The following ABCC10 variants were observed in gnomAD, a reference collection of about 807,000 sequenced individuals.
ABCC10 encodes the protein ATP-binding cassette sub-family C member 10.
In ABCC10, 110 loss-of-function variants were observed where a neutral mutation model predicts 143.2. That is an observed-to-expected ratio of 0.77 (90% confidence interval 0.66 to 0.90). The LOEUF (loss-of-function observed/expected upper bound fraction) is 0.90, where lower values mean the gene tolerates loss of function less well. ABCC10 is among the 40% of genes least tolerant of loss of function. The pLI, the probability that ABCC10 is intolerant of heterozygous loss-of-function variation, is 0.00. For missense variants in ABCC10, 1,700 were observed against 1,900.5 expected (o/e 0.89, Z 1.96); for synonymous variants, 805 against 846.7 (o/e 0.95, Z 0.85).
intron 6 of ABCC10, among the ~76,000 whole-genome samples, chr6:43,437,171 CAGA>C (rs1781814371): frequency 6.6e-6 from 1 of 152,112 alleles, no homozygotes; most frequent in African/African-American, 2.4e-5. Flanking sequence ...CTCCACTGAG[CAGA>C]AGATGTGACT....
At chr6:43,430,791 C>T (rs1781043736) in intron 2 of ABCC10, 2 of 150,176 alleles carry the variant, frequency 1.3e-5, no homozygotes. Flanking sequence ...GGCACGATCT[C>T]AGCTCACTGC....
At chr6:43,438,274 T>C in intron 7 of ABCC10, 10 of 1,209,428 alleles carry the variant, frequency 8.3e-6, no homozygotes, top group Non-Finnish European at 1.1e-5. Flanking sequence ...CTTTCAGAAA[T>C]GTGGCTGTGC....
Position 43,446,266 on chromosome 6 carries a change from G to C in ABCC10, c.3375-11G>C. On this transcript the variant is annotated splice_polypyrimidine_tract_variant and intron_variant, in intron 15 of 21. Transcript: ENST00000372530. ...AGTGGAGTGGCTTCACATCCCTCTG[G>C]CCTTCCCTAGGTTTGAGGAGGAGAA... 6.2e-7 allele frequency: 1 copy of C among 1,610,582 alleles called. No individual in the cohort carries two copies. The highest frequency in any genetic ancestry group is 8.5e-7 in the Non-Finnish European group (1 of 1,177,830).
chr6:43,439,073 C>T (rs1326167918), intron 8 of ABCC10, among the ~76,000 whole-genome samples: 2 of 152,188 alleles, frequency 1.3e-5, no homozygotes, highest in African/African-American at 2.4e-5. Context: ...TCTGCACAGC[C>T]TGGCTCCTTG....
chr6:43,438,620 G>A lies in ABCC10; in HGVS notation c.1956-4G>A. 1 of 1,613,478 alleles carries A rather than the reference G, an allele frequency of 6.2e-7. No individual in the cohort carries two copies. On this transcript the variant is annotated splice_region_variant and splice_polypyrimidine_tract_variant and intron_variant, in intron 7 of 21. Coordinates refer to ENST00000372530, the MANE Select transcript of ABCC10 (RefSeq NM_001198934.2). ...CCTCATATTGCTCGCCTGGCTCTCTGCAGGCTGCGTGGGCATGTGGCAGTG... is the reference window on the plus strand; with the variant it reads ...CCTCATATTGCTCGCCTGGCTCTCTACAGGCTGCGTGGGCATGTGGCAGTG...
rs1232757685 is a variant in ABCC10 at position 43,447,812 on chromosome 6, C to T, written c.3834C>T (p.Ile1278=). The T allele has an allele frequency of 6.2e-6, 10 of 1,613,500 alleles. No individual in the cohort carries two copies. The highest frequency in any genetic ancestry group is 1.1e-5 in the South Asian group (1 of 91,088). ...FCVQPGEKLG[I]VGRTGSGKSS... is the part of the protein sequence containing the mutation. ...TGCAGCCTGGAGAGAAGTTGGGCAT[C>T]GTGGGCCGCACAGGCTCCGGCAAGT... is the stretch of plus-strand genomic sequence containing the variant. Residue 1278 remains isoleucine (I), a synonymous_variant, in exon 18 of 22, where the codon ATC becomes ATT. Coordinates refer to ENST00000372530, the MANE Select transcript of ABCC10 (RefSeq NM_001198934.2).
rs372777118 is a variant in ABCC10, at chr6:43,427,937, G to A, written c.-11-31G>A. On this transcript the variant is annotated intron_variant, in intron 1 of 21. Coordinates refer to ENST00000372530, the MANE Select transcript of ABCC10 (RefSeq NM_001198934.2). ...TGCAGGCAAAGCCGGCTGTTACCCT[G>A]CACAGCCGTCACCCTCAACTTTCCC... The A allele has an allele frequency of 1.0e-3, 1,669 of 1,609,202 alleles. 15 individuals carry two copies. The African/African-American group carries it at 0.019, about 19-fold the overall frequency.
At chr6:43,450,577 C>A, downstream of ABCC10, 1 of 1,579,254 alleles carries the variant, frequency 6.3e-7, no homozygotes, top group Non-Finnish European at 8.6e-7. This position sits in a 1 kb window ranked among gnomAD's most constrained non-coding sequence, Gnocchi z 4.5. Flanking sequence ...GGGGGCAAGT[C>A]ACGTGGCAGG....
rs775035056 is a variant in ABCC10, at chr6:43,445,852, T to C, written c.3284T>C (p.Leu1095Pro). Residue 1095 changes from leucine to proline, a missense_variant, in exon 15 of 22, where the codon CTG (leucine) becomes CCG (proline). Coordinates refer to ENST00000372530, the MANE Select transcript of ABCC10 (RefSeq NM_001198934.2). Reference sequence around the variant, plus strand: ...GCCTCCTCACGGGAGCTGCGGCGCCTGGGCAGCCTCACCCTGTCTCCACTG... The same window carrying C: ...GCCTCCTCACGGGAGCTGCGGCGCCCGGGCAGCCTCACCCTGTCTCCACTG... ...YRASSRELRRLGSLTLSPLYS... is the reference protein window; with the variant it reads ...YRASSRELRRPGSLTLSPLYS... 6 of 1,614,094 alleles carry C rather than the reference T, an allele frequency of 3.7e-6. No individual in the cohort carries two copies. In the South Asian group the frequency reaches 4.4e-5, roughly 12 times the overall value.
intron 2 of ABCC10, 36 bp from the exon 3 acceptor site, chr6:43,432,106 C>T (rs1402440276): frequency 1.2e-6 from 2 of 1,604,734 alleles, no homozygotes; most frequent in East Asian, 2.2e-5. Context: ...CTGAGTCAGC[C>T]ACGATGTGCC....
downstream of ABCC10, chr6:43,451,337 T>A (rs1016358261): frequency 1.3e-6 from 2 of 1,557,976 alleles, no homozygotes; most frequent in Non-Finnish European, 1.7e-6. This position sits in a 1 kb window ranked among gnomAD's most constrained non-coding sequence, Gnocchi z 4.4. Context: ...GCAGCCCAGG[T>A]CAGTATCCTG....
downstream of ABCC10, chr6:43,450,718 CAGT>C: frequency 6.2e-7 from 1 of 1,614,148 alleles, no homozygotes; most frequent in East Asian, 2.2e-5. The surrounding 1 kb of genome is among the most constrained non-coding windows in gnomAD (Gnocchi z 4.5). Context: ...GTCAGCAACA[CAGT>C]AGCCAGAACC....
intron 8 of ABCC10, among the ~76,000 whole-genome samples, chr6:43,439,218 A>G (rs868323252): frequency 1.3e-5 from 2 of 152,116 alleles, no homozygotes; most frequent in African/African-American, 4.8e-5. Context: ...CTATATTTAT[A>G]GGAGAAGAGA....
rs781438304 is a variant in ABCC10, at chr6:43,445,637, G to T, written c.3069G>T (p.Arg1023=). 1.7e-5 allele frequency: 27 copies of T among 1,613,764 alleles called. No homozygotes were observed. The highest frequency in any genetic ancestry group is 1.7e-4 in the Middle Eastern group (1 of 6,060). The change falls in exon 15 of 22, where the codon CGG becomes CGT. Residue 1023 remains arginine, a synonymous_variant. Coordinates refer to ENST00000372530, the MANE Select transcript of ABCC10 (RefSeq NM_001198934.2). Reference sequence around the variant, plus strand: ...TCTTCAATGCCACACCCACGGGCCGGATCCTAAACCGCTTCTCCTCTGATG... The same window carrying T: ...TCTTCAATGCCACACCCACGGGCCGTATCCTAAACCGCTTCTCCTCTGATG... ...VTFFNATPTG[R]ILNRFSSDVA...
At position 43,447,353 on chromosome 6, in the gene ABCC10, G is replaced by A. The variant is rs369147311; in HGVS notation, c.3650G>A (p.Arg1217Gln). 8.1e-6 allele frequency: 13 copies of A among 1,613,116 alleles called. No homozygotes were observed. The highest frequency in any genetic ancestry group is 2.7e-5 in the African/African-American group (2 of 74,900). Residue 1217 changes from arginine to glutamine, a missense_variant, in exon 17 of 22, where the codon CGG becomes CAG. By Grantham distance (43) the Arg-to-Gln change is conservative. Transcript: ENST00000372530. Reference protein sequence around the residue: ...QTEAMLVSVERLEEYTCDLPQ... With the variant: ...QTEAMLVSVEQLEEYTCDLPQ... Reference sequence around the variant, plus strand: ...GAGGCCATGCTGGTGAGCGTCGAGCGGCTGGAAGAGTACACCTGTGACCTG... The same window carrying A: ...GAGGCCATGCTGGTGAGCGTCGAGCAGCTGGAAGAGTACACCTGTGACCTG...
In ABCC10 at chr6:43,434,797, C is replaced by G; in HGVS notation, c.1557C>G (p.Ile519Met). 1 of 1,614,198 alleles carries G rather than the reference C, an allele frequency of 6.2e-7. No individual in the cohort carries two copies. Among genetic ancestry groups the G allele is most frequent in the Non-Finnish European group, 8.5e-7 (1 of 1,180,028 alleles). ...LWAALPVVISIVIFITYVLMG... is the reference protein window; with the variant it reads ...LWAALPVVISMVIFITYVLMG... ...CTGCCCTACCGGTTGTCATCTCCATCGTTATCTTCATCACCTATGTCCTCA... is the reference window on the plus strand; with the variant it reads ...CTGCCCTACCGGTTGTCATCTCCATGGTTATCTTCATCACCTATGTCCTCA... The change falls in exon 4 of 22, where the codon ATC becomes ATG. Residue 519 changes from isoleucine (I) to methionine (M), a missense_variant. Transcript: ENST00000372530.
chr6:43,444,010 G>C lies in ABCC10; in HGVS notation c.2494G>C (p.Ala832Pro), dbSNP rs1276457030. The part of the protein sequence containing the change: ...WAENGQESDS[A>P]TAQSVQNPEK... ...TGAGAATGGACAAGAGTCTGACTCA[G>C]GTATGGCTCCCCAGTGGGAGAAAAG... is the stretch of plus-strand genomic sequence containing the variant. Residue 832 changes from alanine to proline, a missense_variant and splice_region_variant, in exon 11 of 22, where the codon GCC (alanine) becomes CCC (proline). Ala to Pro is a conservative substitution (Grantham distance 27). Transcript: ENST00000372530. 6.2e-7 allele frequency: 1 copy of C among 1,613,990 alleles called. No individual in the cohort carries two copies.
In ABCC10 at chr6:43,443,166, G is replaced by T; in HGVS notation, c.2416+7G>T. On this transcript the variant is annotated splice_region_variant and intron_variant, in intron 10 of 21. Transcript: ENST00000372530. This position sits in a 1 kb window ranked among gnomAD's most constrained non-coding sequence, Gnocchi z 4.2. ...GGGCGCCTCATCCGGGCTGGTAATG[G>T]GGGCAGGAGCCCCGTGTGAGGGAGG... The T allele has an allele frequency of 6.3e-7, 1 of 1,587,454 alleles. No individual in the cohort carries two copies. Among genetic ancestry groups the T allele is most frequent in the Non-Finnish European group, 8.5e-7 (1 of 1,172,644 alleles).
chr6:43,442,941 G>C lies in ABCC10; in HGVS notation c.2227-29G>C, dbSNP rs374421912. 1.2e-5 allele frequency: 18 copies of C among 1,532,950 alleles called. No individual in the cohort carries two copies. In the East Asian group the frequency reaches 4.1e-4, roughly 35 times the overall value. The allele number at this position is 1,532,950 out of a possible 1,614,324, so 95.0% of individuals were successfully genotyped here. On this transcript the variant is annotated intron_variant, in intron 9 of 21. Transcript: ENST00000372530. ...TTCTCCGGAGAGCCTTTGGGTCCTGGTGCCCACGGTACCCTCACGTCTCCA... is the reference window on the plus strand; with the variant it reads ...TTCTCCGGAGAGCCTTTGGGTCCTGCTGCCCACGGTACCCTCACGTCTCCA...
Sources: gnomAD v4.1 joint callset for allele counts (sites outside exome capture counted in the v4.1 genomes callset) on GRCh38, gnomAD v4.1.1 for gene constraint, Gnocchi (gnomAD v3.1) non-coding constraint, MANE v1.5 for transcripts, NCBI Gene and HGNC (gene_info 2026-07-23, HGNC 2026-07-21) for gene names.